DNAH7: variants seen among roughly 807,000 people sequenced by gnomAD.
The protein encoded by DNAH7 is dynein axonemal heavy chain 7.
In DNAH7, 397 loss-of-function variants were observed where a neutral mutation model predicts 444.6. The ratio of observed to expected loss-of-function variants is 0.89; its 90% CI spans 0.82 to 0.97. The LOEUF (loss-of-function observed/expected upper bound fraction) is 0.97, where lower values mean the gene tolerates loss of function less well. Among genes scored for constraint, DNAH7 ranks in the 50% least tolerant of loss-of-function variants. The pLI is 0.00. For missense variants in DNAH7, 4,902 were observed against 4,800.8 expected, an observed-to-expected ratio of 1.02 and a Z score of -0.62; for synonymous variants, 1,636 against 1,624.4, an observed-to-expected ratio of 1.01 and a Z score of -0.17.
chr2:196,068,693 T>C lies in DNAH7; in HGVS notation c.15+4A>G, dbSNP rs1304347025. On this transcript the variant is annotated splice_donor_region_variant and intron_variant, in intron 1 of 64. Coordinates refer to ENST00000312428, the MANE Select transcript of DNAH7 (RefSeq NM_018897.3). ...GCGAGCCTGGCAAAGAGCAGCCCTC[T>C]CACCTGCTCACTGCTCATGGCTGCG... 2.6e-6 allele frequency: 4 copies of C among 1,551,264 alleles called. No individual in the cohort carries two copies. The highest frequency in any genetic ancestry group is 3.5e-6 in the Non-Finnish European group (4 of 1,147,234).
intron 19 of DNAH7, among the ~76,000 whole-genome samples, chr2:195,948,595 T>C (rs192156278): frequency 2.6e-4 from 40 of 152,306 alleles, no homozygotes; most frequent in African/African-American, 9.4e-4. Flanking sequence ...AAAGATCAGA[T>C]GGTTGTAGAT....
At chr2:196,042,605 C>T (rs1379632076) in intron 5 of DNAH7, among the ~76,000 whole-genome samples, 1 of 151,914 alleles carries the variant, frequency 6.6e-6, no homozygotes, top group Non-Finnish European at 1.5e-5. Context: ...AAAAATGATA[C>T]CCAATATTAG....
chr2:195,885,628 CAA>C (rs1701659570), intron 34 of DNAH7, among the ~76,000 whole-genome samples: 1 of 152,040 alleles, frequency 6.6e-6, no homozygotes, highest in Admixed American at 6.6e-5. Flanking sequence ...TTAAAAAATC[CAA>C]AGTCTACTGA....
intron 9 of DNAH7, among the ~76,000 whole-genome samples, chr2:196,013,152 G>A (rs1694819078): frequency 6.6e-6 from 1 of 152,062 alleles, no homozygotes; most frequent in Non-Finnish European, 1.5e-5. Flanking sequence ...TGCAATAACT[G>A]GGATATGAAG....
intron 19 of DNAH7, among the ~76,000 whole-genome samples, chr2:195,940,855 T>C (rs1689382418): frequency 6.6e-6 from 1 of 152,090 alleles, no homozygotes; most frequent in African/African-American, 2.4e-5. Flanking sequence ...TGCCAATCAT[T>C]AAAAAGTCAG....
chr2:195,804,629 G>A (rs1363769630), intron 54 of DNAH7, among the ~76,000 whole-genome samples: 1 of 152,204 alleles, frequency 6.6e-6, no homozygotes, highest in Non-Finnish European at 1.5e-5. Context: ...TGCTTATAGT[G>A]CTTAAATAGC....
At chr2:195,766,813 TCTA>T (rs1396997089) in intron 61 of DNAH7, among the ~76,000 whole-genome samples, 1 of 152,162 alleles carries the variant, frequency 6.6e-6, no homozygotes, top group Non-Finnish European at 1.5e-5. Context: ...AATATATACA[TCTA>T]CTATATAACC....
At chr2:195,880,477 C>T (rs940121815) in intron 36 of DNAH7, among the ~76,000 whole-genome samples, 2 of 151,848 alleles carry the variant, frequency 1.3e-5, no homozygotes, top group African/African-American at 4.8e-5. Flanking sequence ...TACAGGCGCC[C>T]GCCACCACAC....
chr2:196,022,688 C>G (rs1044746868), intron 8 of DNAH7, among the ~76,000 whole-genome samples: 1 of 152,170 alleles, frequency 6.6e-6, no homozygotes, highest in African/African-American at 2.4e-5. Context: ...AGTCTTGAGC[C>G]ACTCAAAGTC....
intron 40 of DNAH7, among the ~76,000 whole-genome samples, chr2:195,866,980 A>G (rs1700379932): frequency 6.6e-6 from 1 of 152,332 alleles, no homozygotes; most frequent in Non-Finnish European, 1.5e-5. Context: ...CCACCATGTG[A>G]GAGATGCCTT....
At chr2:195,861,971 C>T in intron 41 of DNAH7, 25 bp from the exon 42 acceptor site, 2 of 1,565,730 alleles carry the variant, frequency 1.3e-6, no homozygotes, top group African/African-American at 1.4e-5. Context: ...AATGCTTTAG[C>T]ATTTTATTAA....
chr2:195,974,092 G>A (rs1261399630), intron 15 of DNAH7, among the ~76,000 whole-genome samples: 1 of 151,934 alleles, frequency 6.6e-6, no homozygotes, highest in Non-Finnish European at 1.5e-5. Flanking sequence ...AGAAGGGGAA[G>A]GGGAAGGGAA....
chr2:195,812,823 C>CA (rs1263648673), intron 51 of DNAH7, among the ~76,000 whole-genome samples: 1 of 152,120 alleles, frequency 6.6e-6, no homozygotes, highest in African/African-American at 2.4e-5. Context: ...TGAAGTCTAC[C>CA]AGTTATTTGA....
In DNAH7 at chr2:195,922,815, C is replaced by T. The variant is rs1392906091; in HGVS notation, c.3826-618G>A. Among the ~76,000 whole-genome samples, 3 of 152,154 alleles carry T rather than the reference C, an allele frequency of 2.0e-5. No individual in the cohort carries two copies. In the East Asian group the frequency reaches 5.8e-4, roughly 29 times the overall value. ...ACTACCATCACCATCCACCTGGATG[C>T]CCTGGTAAAAACCATGTTTCTGGCT... is the stretch of plus-strand genomic sequence containing the variant. On this transcript the variant is annotated intron_variant, in intron 23 of 64. Coordinates refer to ENST00000312428, the MANE Select transcript of DNAH7 (RefSeq NM_018897.3).
chr2:195,780,212 AATTTTG>A (rs1248360629), intron 58 of DNAH7, among the ~76,000 whole-genome samples: 1 of 152,014 alleles, frequency 6.6e-6, no homozygotes, highest in Non-Finnish European at 1.5e-5. Context: ...AATTATTTTT[AATTTTG>A]ATTTTGACAT....
At chr2:195,839,208 T>C (rs1698543803) in intron 47 of DNAH7, among the ~76,000 whole-genome samples, 1 of 150,812 alleles carries the variant, frequency 6.6e-6, no homozygotes, top group African/African-American at 2.4e-5. Flanking sequence ...TTAAAAACAG[T>C]AACAAAAAAA....
intron 2 of DNAH7, among the ~76,000 whole-genome samples, chr2:196,053,428 A>G (rs1443261092): frequency 6.6e-6 from 1 of 152,256 alleles, no homozygotes; most frequent in Non-Finnish European, 1.5e-5. Flanking sequence ...TCTCAATGGC[A>G]TCTTAGTTTA....
intron 59 of DNAH7, 138 bp downstream of exon 59, chr2:195,777,662 C>A (rs1268124218): frequency 2.0e-5 from 16 of 796,254 alleles, no homozygotes; most frequent in Non-Finnish European, 3.1e-5. Flanking sequence ...TTGTTTTATC[C>A]CTATATGACT....
chr2:195,875,636 AT>A, intron 38 of DNAH7, 38 bp downstream of exon 38: 2 of 1,524,804 alleles, frequency 1.3e-6, no homozygotes, highest in Non-Finnish European at 1.8e-6. Flanking sequence ...TGCTAGGGAG[AT>A]TTTTCCATCT....
Sources: gnomAD v4.1 joint callset for allele counts (sites outside exome capture counted in the v4.1 genomes callset) on GRCh38, gnomAD v4.1.1 for gene constraint, MANE v1.5 for transcripts, NCBI Gene and HGNC (gene_info 2026-07-23, HGNC 2026-07-21) for gene names.